NELL1: variants seen among roughly 807,000 people sequenced by gnomAD.
The protein encoded by NELL1 is protein kinase C-binding protein NELL1.
A neutral mutation model predicts 107.4 loss-of-function variants in NELL1; 76 were observed. The ratio of observed to expected loss-of-function variants is 0.71; its 90% CI spans 0.59 to 0.86. The LOEUF is 0.86. Among genes scored for constraint, NELL1 ranks in the 40% least tolerant of loss-of-function variants. The pLI is 0.00. For missense variants in NELL1, 1,024 were observed against 1,005.5 expected (o/e 1.02, Z -0.25); for synonymous variants, 353 against 341.2 (o/e 1.03, Z -0.38).
chr11:20,779,119 A>T (rs1242921209), intron 2 of NELL1, among the ~76,000 whole-genome samples: 1 of 152,204 alleles, frequency 6.6e-6, no homozygotes, highest in Non-Finnish European at 1.5e-5. Context: ...TCCTGGCTAC[A>T]ACTGTAATTC....
chr11:20,936,877 G>A (rs1011862578), intron 9 of NELL1, among the ~76,000 whole-genome samples: 1 of 152,152 alleles, frequency 6.6e-6, no homozygotes, highest in African/African-American at 2.4e-5. Flanking sequence ...AGGTGAGGTG[G>A]TTCTATAAGA....
At chr11:21,119,927 T>C (rs1855326286) in intron 13 of NELL1, among the ~76,000 whole-genome samples, 1 of 152,112 alleles carries the variant, frequency 6.6e-6, no homozygotes, top group Non-Finnish European at 1.5e-5. Context: ...ATATTTGTGA[T>C]TTACAACAAA....
At chr11:21,425,786 C>T (rs2187520) in intron 15 of NELL1, among the ~76,000 whole-genome samples, 5 of 151,962 alleles carry the variant, frequency 3.3e-5, no homozygotes, top group African/African-American at 9.7e-5. Flanking sequence ...TTTTGAGGAA[C>T]GTTATTTAGA....
At chr11:20,790,675 T>C (rs1857055754) in intron 3 of NELL1, among the ~76,000 whole-genome samples, 1 of 151,628 alleles carries the variant, frequency 6.6e-6, no homozygotes, top group Non-Finnish European at 1.5e-5. Flanking sequence ...GAGTGGGAGG[T>C]CTAGATCTGC....
At chr11:20,781,426 G>C (rs1223416476) in intron 2 of NELL1, among the ~76,000 whole-genome samples, 1 of 152,134 alleles carries the variant, frequency 6.6e-6, no homozygotes, top group East Asian at 1.9e-4. Flanking sequence ...CAGATATAAA[G>C]TTGGAGGCCA....
At chr11:20,951,988 A>G (rs1459469585) in intron 11 of NELL1, among the ~76,000 whole-genome samples, 1 of 152,150 alleles carries the variant, frequency 6.6e-6, no homozygotes, top group Non-Finnish European at 1.5e-5. Context: ...AAGAAGTAAT[A>G]AAAGCATCAA....
At chr11:20,701,935 G>C (rs560710713) in intron 2 of NELL1, among the ~76,000 whole-genome samples, 1 of 152,322 alleles carries the variant, frequency 6.6e-6, no homozygotes, top group African/African-American at 2.4e-5. Flanking sequence ...TTTGAAGTAA[G>C]GTAGCATGAT....
chr11:21,275,222 C>G (rs933057737), intron 14 of NELL1, among the ~76,000 whole-genome samples: 1 of 152,090 alleles, frequency 6.6e-6, no homozygotes, highest in Non-Finnish European at 1.5e-5. Context: ...GGGGATATCA[C>G]CACCGAACCC....
intron 5 of NELL1, among the ~76,000 whole-genome samples, chr11:20,895,310 A>G (rs1257447293): frequency 3.6e-5 from 5 of 137,028 alleles, no homozygotes; most frequent in African/African-American, 1.4e-4. Flanking sequence ...AAAAAAAAAA[A>G]AAAAGAAATT....
At chr11:20,834,724 A>G (rs1444664085) in intron 3 of NELL1, among the ~76,000 whole-genome samples, 3 of 151,684 alleles carry the variant, frequency 2.0e-5, no homozygotes, top group Non-Finnish European at 2.9e-5. Flanking sequence ...AAAAACAAAC[A>G]AAAAAAACCC....
At chr11:21,470,175 A>T (rs1472023977) in intron 15 of NELL1, among the ~76,000 whole-genome samples, 1 of 152,092 alleles carries the variant, frequency 6.6e-6, no homozygotes. Context: ...CAGAAACATG[A>T]TCAAGGTTGC....
chr11:21,391,303 C>T (rs1851873533), intron 15 of NELL1, among the ~76,000 whole-genome samples: 1 of 151,694 alleles, frequency 6.6e-6, no homozygotes, highest in South Asian at 2.1e-4. Flanking sequence ...TTTTCATCCT[C>T]AGGAAATTTG....
At chr11:21,099,391 A>C (rs1316376252) in intron 12 of NELL1, among the ~76,000 whole-genome samples, 1 of 151,906 alleles carries the variant, frequency 6.6e-6, no homozygotes, top group Admixed American at 6.6e-5. Flanking sequence ...GGAGGAAGAG[A>C]ATGCCTCTCT....
chr11:21,064,390 A>T, intron 12 of NELL1, among the ~76,000 whole-genome samples: 1 of 152,180 alleles, frequency 6.6e-6, no homozygotes, highest in Non-Finnish European at 1.5e-5. Context: ...AGATGATAGT[A>T]GTTCAGAACA....
At chr11:20,893,791 T>C (rs1164632244) in intron 5 of NELL1, among the ~76,000 whole-genome samples, 3 of 150,524 alleles carry the variant, frequency 2.0e-5, no homozygotes, top group Non-Finnish European at 4.4e-5. Flanking sequence ...CCAAAGCCTG[T>C]TGTATATTGC....
chr11:20,684,354 T>C (rs1434851816), intron 2 of NELL1, among the ~76,000 whole-genome samples: 4 of 152,158 alleles, frequency 2.6e-5, no homozygotes, highest in Non-Finnish European at 5.9e-5. Context: ...TCCATTGTTA[T>C]GCCTTCAAGG....
intron 13 of NELL1, among the ~76,000 whole-genome samples, chr11:21,162,554 A>C (rs898721870): frequency 5.9e-5 from 9 of 152,196 alleles, no homozygotes; most frequent in Non-Finnish European, 1.3e-4. Context: ...CCAGGTTTTA[A>C]GATTCTGAAT....
At chr11:21,427,785 G>T (rs1852864115) in intron 15 of NELL1, among the ~76,000 whole-genome samples, 2 of 152,076 alleles carry the variant, frequency 1.3e-5, no homozygotes, top group African/African-American at 4.8e-5. Context: ...AGAAACCCAA[G>T]AAGTAAAATA....
chr11:20,696,640 T>C (rs1854624993), intron 2 of NELL1, among the ~76,000 whole-genome samples: 1 of 152,202 alleles, frequency 6.6e-6, no homozygotes, highest in East Asian at 1.9e-4. Context: ...ATGTTTTGTT[T>C]GTGCCTGATT....
Sources: allele counts gnomAD v4.1 joint callset (sites outside exome capture counted in the v4.1 genomes callset), GRCh38; gene constraint gnomAD v4.1.1; transcripts MANE v1.5; gene names NCBI Gene and HGNC (gene_info 2026-07-23, HGNC 2026-07-21).